RHCE: variants seen among roughly 807,000 people sequenced by gnomAD.
RHCE encodes Rh blood group CcEe antigens.
Under a neutral mutation model 43.8 loss-of-function variants are expected in RHCE, and 22 were observed. The observed-to-expected ratio is 0.50, with a 90% confidence interval of 0.36 to 0.72. RHCE has a LOEUF of 0.72. Among genes scored for constraint, RHCE ranks in the 30% least tolerant of loss-of-function variants. The probability of loss-of-function intolerance (pLI) is 0.00; values close to 1 mark genes in which losing one functional copy is unlikely to be tolerated. For missense variants in RHCE, 385 were observed against 525.4 expected (o/e 0.73, Z 2.61); for synonymous variants, 156 against 210.7 (o/e 0.74, Z 2.25).
At chr1:25,420,494 C>G in intron 1 of RHCE, 145 bp downstream of exon 1, 1 of 1,503,644 alleles carries the variant, frequency 6.7e-7, no homozygotes, top group South Asian at 1.2e-5. Context: ...GACTGAATTT[C>G]GGTGCAATCT....
intron 2 of RHCE, among the ~76,000 whole-genome samples, chr1:25,404,015 A>C (rs1279484902): frequency 2.7e-5 from 4 of 149,744 alleles, no homozygotes; most frequent in African/African-American, 4.9e-5. Flanking sequence ...TAAAAATACA[A>C]AAATTACCCG....
At chr1:25,397,825 C>T (rs1646603215) in intron 3 of RHCE, among the ~76,000 whole-genome samples, 1 of 146,980 alleles carries the variant, frequency 6.8e-6, no homozygotes. Context: ...CCTCCGAAGC[C>T]TCAGTTTCAA....
Position 25,362,337 on chromosome 1 carries a change from C to T in RHCE, c.*190G>A. ...AATGAAACTAAACATTTATTTTAAACTTATTAAATTGACTCTTAAACTAAG... is the reference window on the plus strand; with the variant it reads ...AATGAAACTAAACATTTATTTTAAATTTATTAAATTGACTCTTAAACTAAG... On this transcript the variant is annotated 3_prime_UTR_variant, in exon 10 of 10. Transcript: ENST00000294413. 7.8e-7 allele frequency: 1 copy of T among 1,287,322 alleles called. No individual in the cohort carries two copies. The highest frequency in any genetic ancestry group is 1.1e-6 in the Non-Finnish European group (1 of 926,052). The allele number at this position is 1,287,322 out of a possible 1,614,324, so 79.7% of individuals were successfully genotyped here. A position where few individuals can be genotyped will look rare whatever the true frequency, so the allele number is the denominator to read the frequency against.
intron 1 of RHCE, among the ~76,000 whole-genome samples, chr1:25,412,714 TTAA>T (rs1647123094): frequency 5.0e-5 from 5 of 100,418 alleles, no homozygotes; most frequent in Admixed American, 1.0e-4. Flanking sequence ...GACCCTTTTT[TTAA>T]AAAAAAAAAA....
intron 1 of RHCE, among the ~76,000 whole-genome samples, chr1:25,411,674 G>C (rs1267184653): frequency 6.6e-6 from 1 of 152,166 alleles, no homozygotes; most frequent in African/African-American, 2.4e-5. Context: ...TCTATCTCCT[G>C]CTTGCATCCT....
At chr1:25,381,078 A>G (rs1645983004) in intron 7 of RHCE, among the ~76,000 whole-genome samples, 2 of 151,404 alleles carry the variant, frequency 1.3e-5, no homozygotes, top group Admixed American at 1.3e-4. Context: ...ATTTATGTGT[A>G]CTAGTTTTCT....
At chr1:25,368,184 TG>T (rs1305627414) in intron 9 of RHCE, among the ~76,000 whole-genome samples, 8 of 139,584 alleles carry the variant, frequency 5.7e-5, no homozygotes, top group Non-Finnish European at 9.2e-5. Flanking sequence ...TATACTTTTG[TG>T]ATACCCTAAC....
At chr1:25,391,930 G>C (rs1219190418) in intron 4 of RHCE, 64 bp downstream of exon 4, 1 of 1,610,350 alleles carries the variant, frequency 6.2e-7, no homozygotes, top group Non-Finnish European at 8.5e-7. Flanking sequence ...TTTTCAGCCA[G>C]AGCCTTTTCT....
chr1:25,376,756 T>G (rs187341945), intron 7 of RHCE, among the ~76,000 whole-genome samples: 21 of 151,856 alleles, frequency 1.4e-4, no homozygotes, highest in Admixed American at 1.2e-3. Context: ...CTACTAAAAA[T>G]ACAAAACATT....
intron 2 of RHCE, among the ~76,000 whole-genome samples, chr1:25,403,913 C>T (rs1358934921): frequency 6.6e-6 from 1 of 151,772 alleles, no homozygotes; most frequent in African/African-American, 2.4e-5. Flanking sequence ...CATGCCTGTA[C>T]TCCCAGCACT....
intron 1 of RHCE, 78 bp downstream of exon 1, chr1:25,420,561 C>G: frequency 5.0e-6 from 8 of 1,612,912 alleles, no homozygotes; most frequent in Non-Finnish European, 6.8e-6. Context: ...AACATCTGTG[C>G]CCCTGGAGAA....
At chr1:25,425,075 G>A (rs553682845), upstream of RHCE, among the ~76,000 whole-genome samples, 5 of 151,950 alleles carry the variant, frequency 3.3e-5, no homozygotes, top group Non-Finnish European at 5.9e-5. Context: ...CCTTGGCCTC[G>A]CAAAGTACTG....
intron 8 of RHCE, among the ~76,000 whole-genome samples, chr1:25,374,105 G>C (rs1490628540): frequency 1.3e-5 from 2 of 151,054 alleles, no homozygotes; most frequent in Non-Finnish European, 2.9e-5. Context: ...ACAGGCGTGA[G>C]CCACTGTGCC....
At chr1:25,399,781 T>C (rs1646674766) in intron 3 of RHCE, among the ~76,000 whole-genome samples, 2 of 152,190 alleles carry the variant, frequency 1.3e-5, no homozygotes, top group Admixed American at 1.3e-4. Flanking sequence ...CTTCTGAAGA[T>C]ACAGAAGTTC....
In RHCE at chr1:25,399,003, C is replaced by G. The variant is rs1646646350; in HGVS notation, c.486+3593G>C. On this transcript the variant is annotated intron_variant, in intron 3 of 9. Coordinates refer to ENST00000294413, the MANE Select transcript of RHCE (RefSeq NM_020485.8). The stretch of plus-strand genomic sequence containing the variant: ...TCCTTGCTCTGCGACGGACTATTCC[C>G]TGGCTGCAGCCCTCACTCTTCATGG... 7 of 1,429,620 alleles carry G rather than the reference C, an allele frequency of 4.9e-6. No homozygotes were observed. In the South Asian group the frequency reaches 8.0e-5, roughly 16 times the overall value. 88.6% of individuals were successfully genotyped at this position (1,429,620 alleles called of 1,614,324 possible).
intron 2 of RHCE, among the ~76,000 whole-genome samples, chr1:25,403,354 T>C (rs1343933262): frequency 6.6e-6 from 1 of 151,888 alleles, no homozygotes; most frequent in Admixed American, 6.6e-5. Context: ...TATCCCATGT[T>C]GGTGTCCTGG....
intron 8 of RHCE, among the ~76,000 whole-genome samples, chr1:25,373,929 C>T (rs545146900): frequency 2.0e-5 from 3 of 151,154 alleles, no homozygotes; most frequent in Non-Finnish European, 2.9e-5. Context: ...CAAGCCATTC[C>T]CCTACTTCAG....
At chr1:25,424,919 C>T (rs948680949), upstream of RHCE, among the ~76,000 whole-genome samples, 9 of 151,930 alleles carry the variant, frequency 5.9e-5, no homozygotes, top group Non-Finnish European at 1.2e-4. Context: ...TAGGTTCAAG[C>T]GATTCTCCTT....
chr1:25,415,257 C>G (rs1405853298), intron 1 of RHCE, among the ~76,000 whole-genome samples: 1 of 152,150 alleles, frequency 6.6e-6, no homozygotes, highest in Non-Finnish European at 1.5e-5. Flanking sequence ...GTCATTACAG[C>G]AAAGAACACA....
Sources: allele counts gnomAD v4.1 joint callset (sites outside exome capture counted in the v4.1 genomes callset), GRCh38; gene constraint gnomAD v4.1.1; transcripts MANE v1.5; gene names NCBI Gene and HGNC (gene_info 2026-07-23, HGNC 2026-07-21).